DNAJB2: variants seen among roughly 807,000 people sequenced by gnomAD.
DNAJB2 encodes DnaJ heat shock protein family (Hsp40) member B2, also known as dnaJ homolog subfamily B member 2.
In DNAJB2, 19 loss-of-function variants were observed where a neutral mutation model predicts 33.3. The ratio of observed to expected loss-of-function variants is 0.57; its 90% confidence interval spans 0.40 to 0.84. DNAJB2 has a LOEUF of 0.84. DNAJB2 is among the 40% of genes least tolerant of loss of function. The probability of loss-of-function intolerance (pLI) is 0.00; values close to 1 mark genes in which losing one functional copy is unlikely to be tolerated. For missense variants in DNAJB2, 368 were observed against 430.9 expected, an observed-to-expected ratio of 0.85 and a Z score of 1.29; for synonymous variants, 172 against 164.6, an observed-to-expected ratio of 1.04 and a Z score of -0.34.
Position 219,284,986 on chromosome 2 carries a change from G to A in DNAJB2, c.974G>A (p.Ter325=), listed in dbSNP as rs368623112. 30 of 1,499,940 alleles carry A rather than the reference G, an allele frequency of 2.0e-5. No homozygotes were observed. Among genetic ancestry groups the A allele is most frequent in the African/African-American group, 2.8e-5 (2 of 72,210 alleles). The allele number at this position is 1,499,940 out of a possible 1,614,324, so 92.9% of individuals were successfully genotyped here. Residue 325 remains the stop codon, a stop_retained_variant, in exon 9 of 9, where the codon TGA becomes TAA. Transcript: ENST00000336576. ...EEKASRCLIL[*] ...AAGGCCTCTCGCTGCCTCATCCTCTGAACACCGGGCCCAACCTGATCTGAT... is the reference window on the plus strand; with the variant it reads ...AAGGCCTCTCGCTGCCTCATCCTCTAAACACCGGGCCCAACCTGATCTGAT...
chr2:219,285,738 G>A lies in DNAJB2; in HGVS notation c.*751G>A, dbSNP rs899868372. The A allele has an allele frequency of 6.3e-6, 8 of 1,266,852 alleles. No individual in the cohort carries two copies. The highest frequency in any genetic ancestry group is 2.8e-5 in the South Asian group (1 of 35,328). The allele number at this position is 1,266,852 out of a possible 1,614,324, so 78.5% of individuals were successfully genotyped here. A position where few individuals can be genotyped will look rare whatever the true frequency, so the allele number is the denominator to read the frequency against. On this transcript the variant is annotated 3_prime_UTR_variant, in exon 9 of 9. Coordinates refer to ENST00000336576, the MANE Select transcript of DNAJB2 (RefSeq NM_006736.6). ...CTGGAGCCCACTCCTCCTCCCTCTC[G>A]TTGCCTCAGCCTGCCCTCACCCTCA...
chr2:219,284,550 C>T, intron 8 of DNAJB2, 82 bp from the exon 9 acceptor site: 3 of 1,486,516 alleles, frequency 2.0e-6, no homozygotes, highest in Non-Finnish European at 2.7e-6. Context: ...TCTAAGTGGT[C>T]AGGGTTGTTA....
In DNAJB2 at chr2:219,285,743, C is replaced by G. The variant is rs1951949770; in HGVS notation, c.*756C>G. 7.8e-7 allele frequency: 1 copy of G among 1,277,314 alleles called. No individual in the cohort carries two copies. Among genetic ancestry groups the G allele is most frequent in the Non-Finnish European group, 9.9e-7 (1 of 1,007,708 alleles). 79.1% of individuals were successfully genotyped at this position (1,277,314 alleles called of 1,614,324 possible). On this transcript the variant is annotated 3_prime_UTR_variant, in exon 9 of 9. Transcript: ENST00000336576. ...GCCCACTCCTCCTCCCTCTCGTTGC[C>G]TCAGCCTGCCCTCACCCTCAGGACT...
Position 219,285,188 on chromosome 2 carries a change from T to G in DNAJB2, c.*201T>G. On this transcript the variant is annotated 3_prime_UTR_variant, in exon 9 of 9. Transcript: ENST00000336576. The stretch of plus-strand genomic sequence containing the variant: ...CAGCCCAGGGCTGATAGGTCCCTGG[T>G]GAAGCCCAGGGTGGGGGGTGTCAGG... The G allele has an allele frequency of 7.9e-7, 1 of 1,260,434 alleles. No homozygotes were observed. The highest frequency in any genetic ancestry group is 1.0e-6 in the Non-Finnish European group (1 of 1,002,510). The allele number at this position is 1,260,434 out of a possible 1,614,324, so 78.1% of individuals were successfully genotyped here. A position where few individuals can be genotyped will look rare whatever the true frequency, so the allele number is the denominator to read the frequency against.
Position 219,285,420 on chromosome 2 carries a change from G to C in DNAJB2, c.*433G>C, listed in dbSNP as rs549681086. Reference sequence around the variant, plus strand: ...CAGTGCAGGCAGAGTGGAGCCTCCTGCTCTCCTGGACCAGCTGCAGACCCC... The same window carrying C: ...CAGTGCAGGCAGAGTGGAGCCTCCTCCTCTCCTGGACCAGCTGCAGACCCC... On this transcript the variant is annotated 3_prime_UTR_variant, in exon 9 of 9. Coordinates refer to ENST00000336576, the MANE Select transcript of DNAJB2 (RefSeq NM_006736.6). 1.9e-4 allele frequency: 190 copies of C among 1,007,188 alleles called. No homozygotes were observed. Among genetic ancestry groups the C allele is most frequent in the Non-Finnish European group, 2.2e-4 (183 of 844,220 alleles). 62.4% of individuals were successfully genotyped at this position (1,007,188 alleles called of 1,614,324 possible).
In DNAJB2 at chr2:219,286,085, C is replaced by T; in HGVS notation, c.*1098C>T. The T allele has an allele frequency of 1.3e-6, 2 of 1,563,664 alleles. No individual in the cohort carries two copies. The highest frequency in any genetic ancestry group is 4.5e-5 in the East Asian group (2 of 44,146). On this transcript the variant is annotated 3_prime_UTR_variant, in exon 9 of 9. Coordinates refer to ENST00000336576, the MANE Select transcript of DNAJB2 (RefSeq NM_006736.6). ...CTGGGAGGGGACCCTCCATTTCTCCCCCTCACCCATGCTGAGTGTAGAGCC... is the reference window on the plus strand; with the variant it reads ...CTGGGAGGGGACCCTCCATTTCTCCTCCTCACCCATGCTGAGTGTAGAGCC...
At chr2:219,283,049 G>T in intron 6 of DNAJB2, 84 bp from the exon 7 acceptor site, 1 of 1,588,520 alleles carries the variant, frequency 6.3e-7, no homozygotes, top group African/African-American at 1.3e-5. Flanking sequence ...GCCCTGCGAG[G>T]CGGCCTGGAG....
chr2:219,283,338 C>A, intron 7 of DNAJB2, 81 bp from the exon 8 acceptor site: 1 of 1,606,468 alleles, frequency 6.2e-7, no homozygotes, highest in Non-Finnish European at 8.5e-7. Context: ...TCTGCGCTCT[C>A]TACTGCGGTG....
At position 219,284,810 on chromosome 2, in the gene DNAJB2, G is replaced by A; in HGVS notation, c.798G>A (p.Met266Ile). 6.2e-7 allele frequency: 1 copy of A among 1,612,774 alleles called. No homozygotes were observed. Among genetic ancestry groups the A allele is most frequent in the Non-Finnish European group, 8.5e-7 (1 of 1,179,568 alleles). The part of the protein sequence containing the change: ...QLAMAYSLSE[M>I]EAAGKKPAGG... Reference sequence around the variant, plus strand: ...CCATGGCCTACAGCCTGTCAGAGATGGAGGCAGCTGGGAAGAAACCCGCAG... The same window carrying A: ...CCATGGCCTACAGCCTGTCAGAGATAGAGGCAGCTGGGAAGAAACCCGCAG... Residue 266 changes from methionine to isoleucine, a missense_variant, in exon 9 of 9, where the codon ATG (methionine) becomes ATA (isoleucine). By Grantham distance (10) the Met-to-Ile change is conservative. Transcript: ENST00000336576.
Position 219,282,845 on chromosome 2 carries a change from G to A in DNAJB2, c.361G>A (p.Gly121Ser), listed in dbSNP as rs1285951907. 6.3e-7 allele frequency: 1 copy of A among 1,586,742 alleles called. No homozygotes were observed. The highest frequency in any genetic ancestry group is 1.2e-5 in the South Asian group (1 of 86,190). Residue 121 changes from glycine (G) to serine (S), a missense_variant, in exon 6 of 9, where the codon GGC becomes AGC. Physicochemically the swap from Gly to Ser is moderately conservative, Grantham distance 56. Transcript: ENST00000336576. Reference sequence around the variant, plus strand: ...CTGTTTACTTGTTGCAGATGACCTGGGCCCCTTCTCAGAGCTTCAGAACCG... The same window carrying A: ...CTGTTTACTTGTTGCAGATGACCTGAGCCCCTTCTCAGAGCTTCAGAACCG... ...DPFAELFDDL[G>S]PFSELQNRGS...
Position 219,279,888 on chromosome 2 carries a change from A to C in DNAJB2, c.55A>C (p.Ile19Leu). The C allele has an allele frequency of 6.2e-7, 1 of 1,613,846 alleles. No homozygotes were observed. Among genetic ancestry groups the C allele is most frequent in the Non-Finnish European group, 8.5e-7 (1 of 1,179,936 alleles). ...DVPRSASADD[I>L]KKAYRRKALQ... ...GCCGCGAAGTGCGTCCGCTGATGAC[A>C]TCAAGAAGGCGTAAGTGCCTCCGTA... Residue 19 changes from isoleucine to leucine, a missense_variant, in exon 2 of 9, where the codon ATC becomes CTC. By Grantham distance (5) the Ile-to-Leu change is conservative. Coordinates refer to ENST00000336576, the MANE Select transcript of DNAJB2 (RefSeq NM_006736.6). The surrounding 1 kb of genome is among the most constrained non-coding windows in gnomAD (Gnocchi z 4.9).
chr2:219,281,591 C>T (rs762519624), intron 3 of DNAJB2, 127 bp from the exon 4 acceptor site: 8 of 1,281,258 alleles, frequency 6.2e-6, no homozygotes, highest in East Asian at 2.3e-5. Flanking sequence ...CCCTGGGTCC[C>T]CTGCTGTGCC....
Position 219,285,731 on chromosome 2 carries a change from C to A in DNAJB2, c.*744C>A. On this transcript the variant is annotated 3_prime_UTR_variant, in exon 9 of 9. Transcript: ENST00000336576. ...TTCAGAACTGGAGCCCACTCCTCCT[C>A]CCTCTCGTTGCCTCAGCCTGCCCTC... 7.9e-7 allele frequency: 1 copy of A among 1,271,646 alleles called. No homozygotes were observed. Among genetic ancestry groups the A allele is most frequent in the Non-Finnish European group, 1.0e-6 (1 of 1,004,508 alleles). 78.8% of individuals were successfully genotyped at this position (1,271,646 alleles called of 1,614,324 possible).
rs774605128 is a variant in DNAJB2, at chr2:219,286,028, A to C, written c.*1041A>C. ...ATGCCGGGTTCCAGAATCGCTGCACAGTTCCAACAGGACAGCGCCTTCCCC... is the reference window on the plus strand; with the variant it reads ...ATGCCGGGTTCCAGAATCGCTGCACCGTTCCAACAGGACAGCGCCTTCCCC... On this transcript the variant is annotated 3_prime_UTR_variant, in exon 9 of 9. Transcript: ENST00000336576. 6.2e-7 allele frequency: 1 copy of C among 1,610,070 alleles called. No individual in the cohort carries two copies. The highest frequency in any genetic ancestry group is 8.5e-7 in the Non-Finnish European group (1 of 1,178,528).
intron 8 of DNAJB2, among the ~76,000 whole-genome samples, chr2:219,284,132 C>A (rs1175072702): frequency 2.0e-5 from 3 of 152,148 alleles, no homozygotes; most frequent in Non-Finnish European, 2.9e-5. Context: ...GGGTCGTGCT[C>A]AGCCCAGCAC....
chr2:219,285,143 G>C lies in DNAJB2; in HGVS notation c.*156G>C. Reference sequence around the variant, plus strand: ...CCCAGGCCCCCCACACCCCAGTGTGGACTTGGGATTTGCTGTGCTCAGCCC... The same window carrying C: ...CCCAGGCCCCCCACACCCCAGTGTGCACTTGGGATTTGCTGTGCTCAGCCC... On this transcript the variant is annotated 3_prime_UTR_variant, in exon 9 of 9. Coordinates refer to ENST00000336576, the MANE Select transcript of DNAJB2 (RefSeq NM_006736.6). The C allele has an allele frequency of 2.9e-6, 4 of 1,363,780 alleles. No individual in the cohort carries two copies. Among genetic ancestry groups the C allele is most frequent in the Non-Finnish European group, 3.8e-6 (4 of 1,055,364 alleles). 84.5% of individuals were successfully genotyped at this position (1,363,780 alleles called of 1,614,324 possible). A position where few individuals can be genotyped will look rare whatever the true frequency, so the allele number is the denominator to read the frequency against.
chr2:219,282,147 G>C, intron 5 of DNAJB2, 86 bp downstream of exon 5: 1 of 1,609,300 alleles, frequency 6.2e-7, no homozygotes, highest in Non-Finnish European at 8.5e-7. Context: ...TGAGGTGGAA[G>C]GCTGAGAGGG....
At chr2:219,281,684 A>G (rs1559285978) in intron 3 of DNAJB2, 34 bp from the exon 4 acceptor site, 2 of 1,613,418 alleles carry the variant, frequency 1.2e-6, no homozygotes, top group Admixed American at 3.3e-5. Context: ...CCCATCCCAG[A>G]GGGAGGGTGA....
At position 219,279,643 on chromosome 2, in the gene DNAJB2, A is replaced by G. The variant is rs1951885623; in HGVS notation, c.-37+125A>G. 1 of 615,016 alleles carries G rather than the reference A, an allele frequency of 1.6e-6. No homozygotes were observed. The highest frequency in any genetic ancestry group is 2.8e-6 in the Non-Finnish European group (1 of 354,388). The allele number at this position is 615,016 out of a possible 1,614,324, so 38.1% of individuals were successfully genotyped here. A position where few individuals can be genotyped will look rare whatever the true frequency, so the allele number is the denominator to read the frequency against. On this transcript the variant is annotated intron_variant, in intron 1 of 8. Coordinates refer to ENST00000336576, the MANE Select transcript of DNAJB2 (RefSeq NM_006736.6). This position sits in a 1 kb window ranked among gnomAD's most constrained non-coding sequence, Gnocchi z 4.9. ...TTGGCCCCGGCCTGCGGGGGCAGAT[A>G]AGGCTGCCGGAGGGAGCCTAGTCAC...
Sources: allele counts gnomAD v4.1 joint callset (sites outside exome capture counted in the v4.1 genomes callset), GRCh38; gene constraint gnomAD v4.1.1; non-coding constraint Gnocchi (gnomAD v3.1); transcripts MANE v1.5; gene names NCBI Gene and HGNC (gene_info 2026-07-23, HGNC 2026-07-21).